MGAT4C: variants seen among roughly 807,000 people sequenced by gnomAD.
The protein encoded by MGAT4C is MGAT4 family member C.
MGAT4C carries 19 observed loss-of-function variants against 40.1 expected under a neutral mutation model. That is an observed-to-expected ratio of 0.47 (90% CI 0.33 to 0.70). MGAT4C has a LOEUF of 0.70. Among genes scored for constraint, MGAT4C ranks in the 30% least tolerant of loss-of-function variants. The pLI is 0.02. For missense variants in MGAT4C, 491 were observed against 563.2 expected, an observed-to-expected ratio of 0.87 and a Z score of 1.30; for synonymous variants, 181 against 187.1, an observed-to-expected ratio of 0.97 and a Z score of 0.27.
intron 2 of MGAT4C, among the ~76,000 whole-genome samples, chr12:86,551,255 CT>C (rs1186663660): frequency 6.6e-6 from 1 of 152,238 alleles, no homozygotes; most frequent in Non-Finnish European, 1.5e-5. Flanking sequence ...GCCAAACAGA[CT>C]TATGACCATA....
intron 1 of MGAT4C, among the ~76,000 whole-genome samples, chr12:86,230,883 A>G (rs201594261): frequency 9.0e-6 from 1 of 111,062 alleles, no homozygotes; most frequent in Non-Finnish European, 1.9e-5. Flanking sequence ...TTTTTTTTTT[A>G]CTTTTTTCCT....
chr12:86,780,700 T>C (rs1951823585), intron 1 of MGAT4C, among the ~76,000 whole-genome samples: 1 of 152,114 alleles, frequency 6.6e-6, no homozygotes, highest in South Asian at 2.1e-4. Context: ...CTCAGATAGT[T>C]CATTATAGCA....
intron 4 of MGAT4C, among the ~76,000 whole-genome samples, chr12:86,298,573 G>T (rs1953735983): frequency 6.6e-6 from 1 of 152,052 alleles, no homozygotes; most frequent in Non-Finnish European, 1.5e-5. Flanking sequence ...AACACTGGAA[G>T]AAACCTAAAA....
intron 1 of MGAT4C, among the ~76,000 whole-genome samples, chr12:86,058,611 C>A (rs921085956): frequency 3.3e-5 from 5 of 151,838 alleles, no homozygotes; most frequent in African/African-American, 1.2e-4. Context: ...GAAATGAAAT[C>A]CTAAAACATT....
Position 85,960,160 on chromosome 12 carries a change from G to A in MGAT4C, c.*19129C>T, listed in dbSNP as rs1883034632. 6.6e-6 allele frequency: 1 copy of A among 151,928 alleles called. No individual in the cohort carries two copies. The highest frequency in any genetic ancestry group is 6.6e-5 in the Admixed American group (1 of 15,234). 9.4% of individuals were successfully genotyped at this position (151,928 alleles called of 1,614,324 possible). A position where few individuals can be genotyped will look rare whatever the true frequency, so the allele number is the denominator to read the frequency against. On this transcript the variant is annotated 3_prime_UTR_variant, in exon 5 of 5. Coordinates refer to ENST00000611864, the MANE Select transcript of MGAT4C (RefSeq NM_001351288.2). ...ACATTGTGTCACCAGCCAGCCGTAT[G>A]CAGACTTACAAAGGACTACCCACTA...
At chr12:86,048,990 T>C (rs1245162407) in intron 2 of MGAT4C, among the ~76,000 whole-genome samples, 2 of 151,944 alleles carry the variant, frequency 1.3e-5, no homozygotes, top group East Asian at 3.8e-4. Flanking sequence ...AAAATAAAAA[T>C]ACTTTCAGAC....
chr12:86,346,100 A>G (rs1243553776), intron 3 of MGAT4C, among the ~76,000 whole-genome samples: 3 of 152,220 alleles, frequency 2.0e-5, no homozygotes, highest in East Asian at 3.8e-4. Flanking sequence ...TTTAAATGCT[A>G]TTTATATAAA....
Position 85,970,711 on chromosome 12 carries a change from G to T in MGAT4C, c.*8578C>A, listed in dbSNP as rs1422726158. On this transcript the variant is annotated 3_prime_UTR_variant, in exon 5 of 5. Coordinates refer to ENST00000611864, the MANE Select transcript of MGAT4C (RefSeq NM_001351288.2). ...GCTTGTACAATTCAGATATTATTTT[G>T]CTTTGAAGTCAAATAGAGGAACCTT... 6.6e-6 allele frequency: 1 copy of T among 151,116 alleles called. No homozygotes were observed. Among genetic ancestry groups the T allele is most frequent in the Non-Finnish European group, 1.5e-5 (1 of 67,326 alleles). The allele number at this position is 151,116 out of a possible 1,614,324, so 9.4% of individuals were successfully genotyped here.
In MGAT4C at chr12:86,186,875, G is replaced by A. The variant is rs546854780; in HGVS notation, c.-57+69364C>T. ...TCAAATTAATGAACAGGAGTGCAGT[G>A]GGTCTTCATGTGAATAAGAAGACAA... On this transcript the variant is annotated intron_variant, in intron 1 of 4. Transcript: ENST00000611864. Among the ~76,000 whole-genome samples, 26 of 152,158 alleles carry A rather than the reference G, an allele frequency of 1.7e-4. 1 individual carries two copies. The South Asian group carries it at 5.4e-3, about 32-fold the overall frequency.
At chr12:86,075,482 T>G (rs1869508343) in intron 1 of MGAT4C, among the ~76,000 whole-genome samples, 1 of 152,150 alleles carries the variant, frequency 6.6e-6, no homozygotes, top group Admixed American at 6.5e-5. Context: ...GATCTACCAT[T>G]CTGGGGTCTG....
intron 2 of MGAT4C, among the ~76,000 whole-genome samples, chr12:86,543,807 A>C (rs1423390858): frequency 8.5e-6 from 1 of 117,112 alleles, no homozygotes; most frequent in African/African-American, 3.3e-5. Flanking sequence ...AATTCTGTGG[A>C]TGGCTAATGG....
At chr12:86,499,053 T>C (rs182013282) in intron 2 of MGAT4C, among the ~76,000 whole-genome samples, 89 of 152,098 alleles carry the variant, frequency 5.9e-4, no homozygotes, top group African/African-American at 2.0e-3. Context: ...TTTTCTTCCT[T>C]ATAATTTTAT....
intron 2 of MGAT4C, among the ~76,000 whole-genome samples, chr12:86,041,044 G>T (rs1172813579): frequency 1.3e-5 from 2 of 152,112 alleles, no homozygotes; most frequent in Non-Finnish European, 2.9e-5. Flanking sequence ...GATGAATCGG[G>T]TACCTTAGTT....
chr12:86,682,687 A>G (rs993380660), intron 2 of MGAT4C, among the ~76,000 whole-genome samples: 2 of 152,166 alleles, frequency 1.3e-5, no homozygotes, highest in Admixed American at 6.5e-5. Flanking sequence ...TGAGCTTGCT[A>G]TTAAATGAAC....
intron 3 of MGAT4C, among the ~76,000 whole-genome samples, chr12:86,386,273 T>C (rs953379880): frequency 6.6e-6 from 1 of 152,184 alleles, no homozygotes; most frequent in Non-Finnish European, 1.5e-5. Context: ...TTCCAGGGAA[T>C]GCAGATGATA....
chr12:86,700,138 TAGACAGACAGACAGAC>T (rs60647571), intron 2 of MGAT4C, among the ~76,000 whole-genome samples: 10,796 of 142,106 alleles, frequency 0.076, 486 homozygotes, highest in Non-Finnish European at 0.1. Flanking sequence ...TGTAGATAGA[TAGACAGACAGACAGAC>T]AGACAGACAG....
At position 86,603,551 on chromosome 12, in the gene MGAT4C, A is replaced by ATATACT. The variant is rs1427435197; in HGVS notation, c.-229+123657_-229+123658insAGTATA. On this transcript the variant is annotated intron_variant, in intron 2 of 7. Coordinates refer to the MGAT4C transcript ENST00000548651. ...TATATATAGTCTATAGACTATAGAT[A>ATATACT]ATATATAGTCTATAGACTATAGATA... 1.9e-3 allele frequency among the ~76,000 whole-genome samples: 8 copies of ATATACT among 4,228 alleles called. 1 individual carries two copies. The highest frequency in any genetic ancestry group is 9.4e-3 in the Non-Finnish European group (6 of 636). 2.8% of individuals were successfully genotyped at this position (4,228 alleles called of 152,430 possible). A position where few individuals can be genotyped will look rare whatever the true frequency, so the allele number is the denominator to read the frequency against.
At chr12:86,730,276 T>G (rs1025983104) in intron 1 of MGAT4C, among the ~76,000 whole-genome samples, 2 of 152,056 alleles carry the variant, frequency 1.3e-5, no homozygotes, top group African/African-American at 4.8e-5. Context: ...TTTGTTGTTT[T>G]GAAAGGGCCA....
intron 2 of MGAT4C, among the ~76,000 whole-genome samples, chr12:86,622,584 A>T (rs1271072073): frequency 6.6e-6 from 1 of 152,186 alleles, no homozygotes; most frequent in Non-Finnish European, 1.5e-5. Flanking sequence ...GCCCATGACT[A>T]AAAGCTGTAC....
Sources: allele counts gnomAD v4.1 joint callset (sites outside exome capture counted in the v4.1 genomes callset), GRCh38; gene constraint gnomAD v4.1.1; transcripts MANE v1.5; gene names NCBI Gene and HGNC (gene_info 2026-07-23, HGNC 2026-07-21).